The following SBK1 variants were observed in gnomAD, a reference collection of about 807,000 sequenced individuals.
SBK1 encodes SH3 domain binding kinase 1.
SBK1 carries 11 observed loss-of-function variants against 24.4 expected under a neutral mutation model. The ratio of observed to expected loss-of-function variants is 0.45; its 90% CI spans 0.28 to 0.75. The LOEUF is 0.75. Among genes scored for constraint, SBK1 ranks in the 30% least tolerant of loss-of-function variants. The probability of loss-of-function intolerance (pLI) is 0.12; values close to 1 mark genes in which losing one functional copy is unlikely to be tolerated. For missense variants in SBK1, 467 were observed against 620.5 expected, an observed-to-expected ratio of 0.75 and a Z score of 2.63; for synonymous variants, 308 against 284.4, an observed-to-expected ratio of 1.08 and a Z score of -0.83.
Position 28,320,416 on chromosome 16 carries a change from C to G in SBK1, c.770C>G (p.Ser257Trp), listed in dbSNP as rs1260823877. 4.4e-6 allele frequency: 7 copies of G among 1,588,622 alleles called. No individual in the cohort carries two copies. The highest frequency in any genetic ancestry group is 6.0e-6 in the Non-Finnish European group (7 of 1,174,196). Residue 257 changes from serine (S) to tryptophan (W), a missense_variant, in exon 4 of 4, where the codon TCG becomes TGG. Ser to Trp is a radical substitution (Grantham distance 177). Coordinates refer to ENST00000341901, the MANE Select transcript of SBK1 (RefSeq NM_001024401.3). The surrounding 1 kb of genome is among the most constrained non-coding windows in gnomAD (Gnocchi z 8.5). ...GGCAACTTCCCGTGGGAGGCGGCGT[C>G]GGGCGCCGACGCCTTCTTCGAGGAG... is the stretch of plus-strand genomic sequence containing the variant. Reference protein sequence around the residue: ...LTGNFPWEAASGADAFFEEFV... With the variant: ...LTGNFPWEAAWGADAFFEEFV...
chr16:28,318,964 G>A, intron 2 of SBK1, 31 bp from the exon 3 acceptor site: 1 of 1,575,048 alleles, frequency 6.3e-7, no homozygotes, highest in Non-Finnish European at 8.7e-7. Flanking sequence ...GGGAGAGGGG[G>A]CTTCAACCCT....
At chr16:28,270,211 A>G (rs2044456200) in intron 1 of SBK1, among the ~76,000 whole-genome samples, 3 of 151,246 alleles carry the variant, frequency 2.0e-5, no homozygotes, top group Admixed American at 2.0e-4. Context: ...ACAGGCGCAC[A>G]CCCCCACAGC....
chr16:28,299,720 C>T (rs79064201), intron 1 of SBK1, among the ~76,000 whole-genome samples: 2,415 of 152,304 alleles, frequency 0.016, 74 homozygotes, highest in African/African-American at 0.056. Flanking sequence ...CAGGTTGACA[C>T]TGTCACTTTT....
At position 28,317,364 on chromosome 16, in the gene SBK1, C is replaced by A. The variant is rs2044804661; in HGVS notation, c.-7-21C>A. The stretch of plus-strand genomic sequence containing the variant: ...CCCTTGCCTGATGTCACACTTCATG[C>A]TCACCACCCCTACCCAACAGGGAGA... On this transcript the variant is annotated intron_variant, in intron 1 of 3. Coordinates refer to ENST00000341901, the MANE Select transcript of SBK1 (RefSeq NM_001024401.3). This position sits in a 1 kb window ranked among gnomAD's most constrained non-coding sequence, Gnocchi z 4.2. 1 of 1,591,182 alleles carries A rather than the reference C, an allele frequency of 6.3e-7. No homozygotes were observed. The highest frequency in any genetic ancestry group is 2.2e-5 in the East Asian group (1 of 44,706).
chr16:28,311,045 C>G (rs906358517), intron 1 of SBK1, among the ~76,000 whole-genome samples: 3 of 152,118 alleles, frequency 2.0e-5, no homozygotes, highest in African/African-American at 7.2e-5. Context: ...CCTGCTGACA[C>G]CTTGCGGAGA....
intron 1 of SBK1, among the ~76,000 whole-genome samples, chr16:28,305,096 C>T (rs2044706820): frequency 6.6e-6 from 1 of 152,084 alleles, no homozygotes; most frequent in South Asian, 2.1e-4. Context: ...CTTTACTTCT[C>T]TGTAAGGCAA....
At position 28,293,025 on chromosome 16, in the gene SBK1, A is replaced by G. The variant is rs577677260; in HGVS notation, c.-283A>G. ...ACCTCAAGACAAGAAGACCCAGCTC[A>G]GAACGCCCCTAGATCAGGGGATCCC... On this transcript the variant is annotated 5_prime_UTR_variant, in exon 1 of 4. Coordinates refer to ENST00000341901, the MANE Select transcript of SBK1 (RefSeq NM_001024401.3). The G allele has an allele frequency of 7.9e-5, 78 of 985,662 alleles. No homozygotes were observed. In the South Asian group the frequency reaches 3.2e-3, roughly 40 times the overall value. The allele number at this position is 985,662 out of a possible 1,614,324, so 61.1% of individuals were successfully genotyped here. A position where few individuals can be genotyped will look rare whatever the true frequency, so the allele number is the denominator to read the frequency against.
chr16:28,293,283 C>T lies in SBK1; in HGVS notation c.-25C>T. ...CGCCCAGGCCCCCTGCCGCGGCGTC[C>T]CCGCGGCCCCAGCCCAGGTAAGCCG... On this transcript the variant is annotated 5_prime_UTR_variant, in exon 1 of 4. Coordinates refer to ENST00000341901, the MANE Select transcript of SBK1 (RefSeq NM_001024401.3). 2.0e-6 allele frequency: 2 copies of T among 985,436 alleles called. No individual in the cohort carries two copies. Among genetic ancestry groups the T allele is most frequent in the Middle Eastern group, 5.2e-4 (1 of 1,912 alleles). The allele number at this position is 985,436 out of a possible 1,614,324, so 61.0% of individuals were successfully genotyped here.
At chr16:28,313,522 C>T (rs987812426) in intron 1 of SBK1, among the ~76,000 whole-genome samples, 6 of 150,622 alleles carry the variant, frequency 4.0e-5, no homozygotes, top group Admixed American at 2.7e-4. Flanking sequence ...TGCCAGAGTC[C>T]GGGATACAGA....
chr16:28,271,755 T>C (rs1249401914), intron 1 of SBK1, among the ~76,000 whole-genome samples: 3 of 152,294 alleles, frequency 2.0e-5, no homozygotes, highest in South Asian at 4.1e-4. Flanking sequence ...TTGACTGATA[T>C]ATAAACATGT....
intron 1 of SBK1, among the ~76,000 whole-genome samples, chr16:28,277,408 G>A (rs1183134919): frequency 2.0e-5 from 3 of 152,112 alleles, no homozygotes; most frequent in Non-Finnish European, 4.4e-5. Context: ...GGGGAATGGT[G>A]GCTCACGCCT....
chr16:28,277,809 A>G lies in SBK1; in HGVS notation c.257+18307A>G, dbSNP rs182457442. 6.3e-4 allele frequency among the ~76,000 whole-genome samples: 96 copies of G among 152,310 alleles called. 1 individual carries two copies. In the East Asian group the frequency reaches 0.018, roughly 28 times the overall value. On this transcript the variant is annotated intron_variant, in intron 1 of 3. Coordinates refer to the SBK1 transcript ENST00000671413. ...CTCGAGAACCAGATAGAACAGAGAC[A>G]GAGACAGAGCGCGCGCCGCGGTCCC...
chr16:28,322,608 G>GCCC lies in SBK1; in HGVS notation c.*1687_*1688insCCC, dbSNP rs1468529460. 6.5e-6 allele frequency: 1 copy of GCCC among 153,114 alleles called. No homozygotes were observed. The highest frequency in any genetic ancestry group is 1.5e-5 in the Non-Finnish European group (1 of 68,352). 9.5% of individuals were successfully genotyped at this position (153,114 alleles called of 1,614,324 possible). A position where few individuals can be genotyped will look rare whatever the true frequency, so the allele number is the denominator to read the frequency against. On this transcript the variant is annotated 3_prime_UTR_variant, in exon 4 of 4. Transcript: ENST00000341901. ...CCCGGGTCCAGTTTACAAACAGTGT[G>GCCC]GGGTGGCCCCAGGGCCTGGCCCCAC...
intron 1 of SBK1, among the ~76,000 whole-genome samples, chr16:28,280,169 G>GTA (rs2044523438): frequency 8.4e-6 from 1 of 118,886 alleles, no homozygotes. Context: ...GTGTGTGTGT[G>GTA]TGTATGTATA....
At chr16:28,296,480 C>T (rs1366461890) in intron 1 of SBK1, among the ~76,000 whole-genome samples, 1 of 152,124 alleles carries the variant, frequency 6.6e-6, no homozygotes, top group African/African-American at 2.4e-5. Context: ...TCAGGTGATC[C>T]ACCTGCCTTG....
intron 1 of SBK1, among the ~76,000 whole-genome samples, chr16:28,304,414 A>G (rs1392202806): frequency 2.6e-5 from 4 of 152,120 alleles, no homozygotes; most frequent in African/African-American, 9.7e-5. Flanking sequence ...AAGGGGAGAT[A>G]GAGCAGTGGG....
rs145880925 is a variant in SBK1 at position 28,322,917 on chromosome 16, G to GCGCT, written c.*1998_*2001dup. ...GCCGTGCTCGCTCTCTCTCTCGCGC[G>GCGCT]CGCTCTCTCTCTCCCTCTCTCTCTC... On this transcript the variant is annotated 3_prime_UTR_variant, in exon 4 of 4. Coordinates refer to ENST00000341901, the MANE Select transcript of SBK1 (RefSeq NM_001024401.3). 1 of 117,152 alleles carries GCGCT rather than the reference G, an allele frequency of 8.5e-6. No homozygotes were observed. Among genetic ancestry groups the GCGCT allele is most frequent in the Admixed American group, 8.8e-5 (1 of 11,350 alleles). 7.3% of individuals were successfully genotyped at this position (117,152 alleles called of 1,614,324 possible). A position where few individuals can be genotyped will look rare whatever the true frequency, so the allele number is the denominator to read the frequency against.
At position 28,297,915 on chromosome 16, in the gene SBK1, G is replaced by A. The variant is rs147501342; in HGVS notation, c.-8+4615G>A. On this transcript the variant is annotated intron_variant, in intron 1 of 3. Transcript: ENST00000341901. ...CCCTGCCCCAGGTGTGGGTGAGGGC[G>A]GAGGCCCTTCCTGAGCCTCTTCTAG... Among the ~76,000 whole-genome samples the A allele has an allele frequency of 4.2e-3, 644 of 152,288 alleles. 5 individuals are homozygous for A. Among genetic ancestry groups the A allele is most frequent in the African/African-American group, 0.013 (558 of 41,562 alleles).
At chr16:28,268,712 G>A (rs938237310) in intron 1 of SBK1, among the ~76,000 whole-genome samples, 10 of 151,790 alleles carry the variant, frequency 6.6e-5, no homozygotes, top group African/African-American at 2.2e-4. Flanking sequence ...GCAGTGAGCC[G>A]AGATCGCACC....
Sources: allele counts gnomAD v4.1 joint callset (sites outside exome capture counted in the v4.1 genomes callset), GRCh38; gene constraint gnomAD v4.1.1; non-coding constraint Gnocchi (gnomAD v3.1); transcripts MANE v1.5; gene names NCBI Gene and HGNC (gene_info 2026-07-23, HGNC 2026-07-21).